C3orf85: variants seen among roughly 807,000 people sequenced by gnomAD.
C3orf85 encodes the protein chromosome 3 open reading frame 85.
C3orf85 carries 1 observed loss-of-function variant against 1.7 expected under a neutral mutation model. The ratio of observed to expected loss-of-function variants is 0.60; its 90% confidence interval spans 0.21 to 2.86. The LOEUF (loss-of-function observed/expected upper bound fraction) is 2.86, where lower values mean the gene tolerates loss of function less well. Among genes scored for constraint, C3orf85 ranks in the 30% most tolerant of loss-of-function variants. The pLI is 0.22. For synonymous variants in C3orf85, 17 were observed against 8.0 expected (o/e 2.13, Z -1.90); for missense variants, 29 against 21.3 (o/e 1.36, Z -0.72).
At chr3:109,148,197 T>C (rs572499551) in intron 2 of C3orf85, 56 bp from the exon 3 acceptor site, 11 of 663,922 alleles carry the variant, frequency 1.7e-5, no homozygotes, top group Non-Finnish European at 2.7e-5. Context: ...AGAGGAAACA[T>C]TGAGATGTAA....
chr3:109,139,158 T>C (rs954731187), intron 2 of C3orf85, among the ~76,000 whole-genome samples: 3 of 152,218 alleles, frequency 2.0e-5, no homozygotes, highest in Non-Finnish European at 4.4e-5. Context: ...TGCATTCATG[T>C]CCTAATCCTA....
intron 2 of C3orf85, among the ~76,000 whole-genome samples, chr3:109,143,811 A>G (rs1190122167): frequency 1.3e-5 from 2 of 152,242 alleles, no homozygotes; most frequent in Non-Finnish European, 2.9e-5. Context: ...TGGCGAGGCC[A>G]AGAAAAGACT....
chr3:109,137,238 C>T (rs1310578522), intron 2 of C3orf85, among the ~76,000 whole-genome samples: 3 of 151,854 alleles, frequency 2.0e-5, no homozygotes, highest in Admixed American at 6.6e-5. Flanking sequence ...TAACATAGTA[C>T]CATTATATGA....
chr3:109,149,409 G>A (rs1239965158), intron 3 of C3orf85: 2 of 153,274 alleles, frequency 1.3e-5, no homozygotes, highest in East Asian at 1.9e-4. Flanking sequence ...TGTCCAATAG[G>A]CATTATTTAG....
At chr3:109,140,413 C>T (rs1280284505) in intron 2 of C3orf85, among the ~76,000 whole-genome samples, 4 of 152,178 alleles carry the variant, frequency 2.6e-5, no homozygotes, top group Non-Finnish European at 5.9e-5. Flanking sequence ...GGCCAGGCCC[C>T]TCCCCGCTGC....
At chr3:109,149,526 C>T (rs1032270552) in intron 3 of C3orf85, 1 of 247,420 alleles carries the variant, frequency 4.0e-6, no homozygotes, top group African/African-American at 2.2e-5. Context: ...ACTCTCCTGC[C>T]TCTACTTGTA....
At chr3:109,137,022 A>G (rs1469459939) in intron 2 of C3orf85, 126 bp downstream of exon 2, 2 of 392,096 alleles carry the variant, frequency 5.1e-6, no homozygotes, top group Non-Finnish European at 9.0e-6. Context: ...AGCACTGGGG[A>G]AACCAAACTA....
At chr3:109,139,320 T>C (rs949494900) in intron 2 of C3orf85, among the ~76,000 whole-genome samples, 4 of 152,192 alleles carry the variant, frequency 2.6e-5, no homozygotes, top group African/African-American at 9.7e-5. Flanking sequence ...GTTGCTTCCA[T>C]AAGAAACAAC....
At chr3:109,149,651 T>A in intron 3 of C3orf85, 154 bp from the exon 4 acceptor site, 1 of 383,432 alleles carries the variant, frequency 2.6e-6, no homozygotes, top group East Asian at 3.7e-5. Context: ...AATAAACAGA[T>A]AATTAAAAGT....
chr3:109,138,763 A>G (rs1706707104), intron 2 of C3orf85, among the ~76,000 whole-genome samples: 1 of 152,166 alleles, frequency 6.6e-6, no homozygotes, highest in Non-Finnish European at 1.5e-5. Flanking sequence ...GTTATTGATT[A>G]TTTTCAAAAC....
At position 109,150,002 on chromosome 3, in the gene C3orf85, T is replaced by C. The variant is rs1170862301; in HGVS notation, c.*108T>C. The C allele has an allele frequency of 2.6e-6, 1 of 391,638 alleles. No homozygotes were observed. The highest frequency in any genetic ancestry group is 4.5e-6 in the Non-Finnish European group (1 of 221,588). The allele number at this position is 391,638 out of a possible 1,614,324, so 24.3% of individuals were successfully genotyped here. Reference sequence around the variant, plus strand: ...CTGAGGGTATATCCATGCTGTTTACTACATTATTTATTATGTCTGTCTCAA... The same window carrying C: ...CTGAGGGTATATCCATGCTGTTTACCACATTATTTATTATGTCTGTCTCAA... On this transcript the variant is annotated 3_prime_UTR_variant, in exon 4 of 4. Coordinates refer to ENST00000622536, the MANE Select transcript of C3orf85 (RefSeq NM_001351622.2).
Position 109,147,431 on chromosome 3 carries a change from A to C in C3orf85, c.50-822A>C, listed in dbSNP as rs573261953. 1.6e-4 allele frequency among the ~76,000 whole-genome samples: 24 copies of C among 152,324 alleles called. No homozygotes were observed. The East Asian group carries it at 4.2e-3, about 27-fold the overall frequency. On this transcript the variant is annotated intron_variant, in intron 2 of 3. Transcript: ENST00000622536. ...TTACTCACAATTAGATGTTGTAATA[A>C]ATGCTTCTTTATCACAATGAACAGA...
In C3orf85 at chr3:109,150,659, A is replaced by G. The variant is rs1227299950; in HGVS notation, c.*765A>G. 6.6e-6 allele frequency: 1 copy of G among 152,170 alleles called. No individual in the cohort carries two copies. Among genetic ancestry groups the G allele is most frequent in the Non-Finnish European group, 1.5e-5 (1 of 68,026 alleles). 9.4% of individuals were successfully genotyped at this position (152,170 alleles called of 1,614,324 possible). A position where few individuals can be genotyped will look rare whatever the true frequency, so the allele number is the denominator to read the frequency against. Reference sequence around the variant, plus strand: ...AAAAGTGGACTGCATTTATCCTATAACTTTCCTAATATTCATGGATTACCA... The same window carrying G: ...AAAAGTGGACTGCATTTATCCTATAGCTTTCCTAATATTCATGGATTACCA... On this transcript the variant is annotated 3_prime_UTR_variant, in exon 4 of 4. Transcript: ENST00000622536.
At chr3:109,141,507 T>C (rs1283473714) in intron 2 of C3orf85, among the ~76,000 whole-genome samples, 1 of 152,170 alleles carries the variant, frequency 6.6e-6, no homozygotes, top group African/African-American at 2.4e-5. Flanking sequence ...TCTCTTTTCT[T>C]CTATTCTCCT....
intron 2 of C3orf85, among the ~76,000 whole-genome samples, chr3:109,140,263 A>T (rs1052051869): frequency 1.3e-5 from 2 of 152,262 alleles, no homozygotes; most frequent in South Asian, 4.1e-4. Context: ...GTTCGCAGAC[A>T]CTTTGAAGGG....
chr3:109,140,338 T>A (rs1379227888), intron 2 of C3orf85, among the ~76,000 whole-genome samples: 4 of 152,196 alleles, frequency 2.6e-5, no homozygotes, highest in Non-Finnish European at 5.9e-5. Context: ...AGTAGGAGAA[T>A]GGTTCCTGTT....
intron 2 of C3orf85, among the ~76,000 whole-genome samples, chr3:109,145,122 A>G (rs2107835484): frequency 6.6e-6 from 1 of 152,184 alleles, no homozygotes; most frequent in Non-Finnish European, 1.5e-5. Context: ...GGCCCTTCTT[A>G]TCTCTCATCT....
chr3:109,136,960 T>G (rs1053966038), intron 2 of C3orf85, 64 bp downstream of exon 2: 28 of 402,216 alleles, frequency 7.0e-5, no homozygotes, highest in African/African-American at 4.7e-4. Flanking sequence ...TAATTCCTTT[T>G]GTCTTCTTAA....
rs540104258 is a variant in C3orf85, at chr3:109,144,756, A to G, written c.50-3497A>G. Among the ~76,000 whole-genome samples the G allele has an allele frequency of 3.4e-4, 52 of 152,324 alleles. 1 individual carries two copies. In the South Asian group the frequency reaches 7.0e-3, roughly 21 times the overall value. On this transcript the variant is annotated intron_variant, in intron 2 of 3. Coordinates refer to ENST00000622536, the MANE Select transcript of C3orf85 (RefSeq NM_001351622.2). The stretch of plus-strand genomic sequence containing the variant: ...ATTCCAAGTAACACTATCTTAAGCA[A>G]TTACTACAGATTCACTATGTAGCTA...
Sources: gnomAD v4.1 joint callset for allele counts (sites outside exome capture counted in the v4.1 genomes callset) on GRCh38, gnomAD v4.1.1 for gene constraint, MANE v1.5 for transcripts, NCBI Gene and HGNC (gene_info 2026-07-23, HGNC 2026-07-21) for gene names.